Variants in ZMYM3 observed in about 807,000 individuals in gnomAD.
ZMYM3 encodes zinc finger MYM-type containing 3.
ZMYM3 carries 6 observed loss-of-function variants against 94.2 expected under a neutral mutation model. The ratio of observed to expected loss-of-function variants is 0.06; its 90% CI spans 0.03 to 0.13. ZMYM3 has a LOEUF of 0.13. Among genes scored for constraint, ZMYM3 ranks in the 10% least tolerant of loss-of-function variants. ZMYM3 has a pLI of 1.00. For synonymous variants in ZMYM3, 420 were observed against 426.5 expected, an observed-to-expected ratio of 0.98 and a Z score of 0.19; for missense variants, 664 against 1,132.6, an observed-to-expected ratio of 0.59 and a Z score of 5.94.
At chrX:71,248,631 C>T in intron 9 of ZMYM3, 55 bp downstream of exon 9, 1 of 1,158,290 alleles carries the variant, frequency 8.6e-7, no homozygotes, top group Non-Finnish European at 1.2e-6. Flanking sequence ...CCCCAATTCT[C>T]CAACCCTCTT....
rs1012530518 is a variant in ZMYM3 at position 71,253,005 on chromosome X, C to A, written c.251G>T (p.Gly84Val). 1.2e-5 allele frequency: 14 copies of A among 1,206,854 alleles called. No individual in the cohort carries two copies. The highest frequency in any genetic ancestry group is 1.8e-5 in the South Asian group (1 of 56,126). Residue 84 changes from glycine (G) to valine (V), a missense_variant, in exon 2 of 25, where the codon GGG (glycine) becomes GTG (valine). Coordinates refer to ENST00000314425, the MANE Select transcript of ZMYM3 (RefSeq NM_201599.3). ...DGATELLGLG[G>V]LLYKAPSPPE... is the part of the protein sequence containing the mutation. ...GGGAGAGGGGGCTTTATAGAGCAGC[C>A]CCCCCAGCCCCAGCAACTCAGTGGC...
intron 2 of ZMYM3, chrX:71,251,973 C>T (rs1456672724): frequency 3.7e-6 from 2 of 539,482 alleles, no homozygotes; most frequent in Non-Finnish European, 4.5e-6. Context: ...GTATGGGTAG[C>T]TTCCCCTGGA....
At position 71,246,631 on chromosome X, in the gene ZMYM3, T is replaced by C. The variant is rs1409754836; in HGVS notation, c.2376A>G (p.Thr792=). 10 of 1,210,051 alleles carry C rather than the reference T, an allele frequency of 8.3e-6. No individual in the cohort carries two copies. Among genetic ancestry groups the C allele is most frequent in the Non-Finnish European group, 1.1e-5 (10 of 895,239 alleles). Reference sequence around the variant, plus strand: ...TCCCATTTTCCTCTGGGGTCCTCACTGTGTTGCTGTTCTCCACTTTGGTTT... The same window carrying C: ...TCCCATTTTCCTCTGGGGTCCTCACCGTGTTGCTGTTCTCCACTTTGGTTT... The part of the protein sequence containing the change: ...PSQTKVENSN[T]VRTPEENGNL... The change falls in exon 14 of 25, where the codon ACA becomes ACG. Residue 792 remains threonine (T), a synonymous_variant. Transcript: ENST00000314425.
chrX:71,239,646 A>G lies in ZMYM3; in HGVS notation c.*1270T>C, dbSNP rs937573103. 8.9e-6 allele frequency: 1 copy of G among 112,579 alleles called. No homozygotes were observed. Among genetic ancestry groups the G allele is most frequent in the African/African-American group, 3.2e-5 (1 of 30,903 alleles). 9.3% of individuals were successfully genotyped at this position (112,579 alleles called of 1,213,427 possible). On this transcript the variant is annotated 3_prime_UTR_variant, in exon 25 of 25. Transcript: ENST00000314425. The stretch of plus-strand genomic sequence containing the variant: ...AAAGACAATTTTAACTCTTTATTTG[A>G]AACAAACAATTTCAGAGACAGAAGG...
At position 71,244,441 on chromosome X, in the gene ZMYM3, G is replaced by A; in HGVS notation, c.3141C>T (p.Ser1047=). 8.3e-7 allele frequency: 1 copy of A among 1,211,614 alleles called. No homozygotes were observed. Among genetic ancestry groups the A allele is most frequent in the Non-Finnish European group, 1.1e-6 (1 of 895,448 alleles). ...GACTGCTCATGGAGTCCCGGGAGCAGCTTTCGGAAAGCACCAGCCGCTTTT... is the reference window on the plus strand; with the variant it reads ...GACTGCTCATGGAGTCCCGGGAGCAACTTTCGGAAAGCACCAGCCGCTTTT... ...KGQKRLVLSE[S]CSRDSMSSQP... Residue 1047 remains serine (S), a synonymous_variant, in exon 20 of 25, where the codon AGC becomes AGT. Transcript: ENST00000314425.
At position 71,249,081 on chromosome X, in the gene ZMYM3, G is replaced by A; in HGVS notation, c.1559C>T (p.Thr520Ile). 8.3e-7 allele frequency: 1 copy of A among 1,211,715 alleles called. No individual in the cohort carries two copies. The highest frequency in any genetic ancestry group is 1.8e-5 in the South Asian group (1 of 56,975). The change falls in exon 8 of 25, where the codon ACC (threonine) becomes ATC (isoleucine). Residue 520 changes from threonine to isoleucine, a missense_variant. By Grantham distance (89) the Thr-to-Ile change is moderately conservative (BLOSUM62 -1). This residue lies in a region of ZMYM3 where 159 missense variants were observed against 313.0 expected (regional missense o/e 0.51). Transcript: ENST00000314425. ...MLSHVDRNGK[T>I]SLFCSLCCTT... ...ACAGCACAGGGAACAGAACAAGCTG[G>A]TCTTGCCATTACGATCCACATGTGA...
chrX:71,244,394 T>C lies in ZMYM3; in HGVS notation c.3188A>G (p.Asn1063Ser). 1 of 1,211,532 alleles carries C rather than the reference T, an allele frequency of 8.3e-7. No homozygotes were observed. Among genetic ancestry groups the C allele is most frequent in the Non-Finnish European group, 1.1e-6 (1 of 895,492 alleles). ...CCAAGCATTGACACCATATGAATAG[T>C]TGAGCCCGGTACAACTAGGCTGACT... ...MSSQPSCTGL[N>S]YSYGVNAWKC... is the part of the protein sequence containing the mutation. Residue 1063 changes from asparagine (N) to serine (S), a missense_variant, in exon 20 of 25, where the codon AAC becomes AGC. Asn to Ser is a conservative substitution (Grantham distance 46). Transcript: ENST00000314425.
chrX:71,246,479 G>GGGGGGGGGGGGGGGGC lies in ZMYM3; in HGVS notation c.2445_2446insGCCCCCCCCCCCCCCC (p.Pro816AlafsTer26). On this transcript the variant is annotated frameshift_variant, in exon 15 of 25. Transcript: ENST00000314425. LOFTEE classifies it high-confidence loss of function. The stretch of plus-strand genomic sequence containing the variant: ...GGGGGTGGTGGGGGTGGAGGGGTGG[G>GGGGGGGGGGGGGGGGC]AGCAGTGGGAGCTGATCGGGTCTTC... 3.0e-6 allele frequency: 1 copy of GGGGGGGGGGGGGGGGC among 333,423 alleles called. No homozygotes were observed. Among genetic ancestry groups the GGGGGGGGGGGGGGGGC allele is most frequent in the Non-Finnish European group, 5.6e-6 (1 of 178,474 alleles). 27.5% of individuals were successfully genotyped at this position (333,423 alleles called of 1,213,427 possible). A position where few individuals can be genotyped will look rare whatever the true frequency, so the allele number is the denominator to read the frequency against.
At chrX:71,250,850 G>C in intron 4 of ZMYM3, 124 bp from the exon 5 acceptor site, 1 of 685,134 alleles carries the variant, frequency 1.5e-6, no homozygotes, top group Non-Finnish European at 2.1e-6. Flanking sequence ...CCTGGCCCTT[G>C]TTACATCAGT....
intron 2 of ZMYM3, 143 bp from the exon 3 acceptor site, chrX:71,251,744 C>CCT: frequency 1.9e-6 from 2 of 1,060,450 alleles, no homozygotes; most frequent in Non-Finnish European, 2.4e-6. Flanking sequence ...TCTTGGGGCC[C>CCT]CTCTCAGGGT....
rs1309807534 is a variant in ZMYM3, at chrX:71,250,604, C to T, written c.901G>A (p.Gly301Arg). Reference sequence around the variant, plus strand: ...ATCTTGGTGCCCACTGCAGAGCGCCCGGCCCTTTGTGACACACTTGAGCGT... The same window carrying T: ...ATCTTGGTGCCCACTGCAGAGCGCCTGGCCCTTTGTGACACACTTGAGCGT... ...SLRSSVSQRA[G>R]RSAVGTKMTC... Residue 301 changes from glycine to arginine, a missense_variant, in exon 5 of 25, where the codon GGG becomes AGG. Coordinates refer to ENST00000314425, the MANE Select transcript of ZMYM3 (RefSeq NM_201599.3). The T allele has an allele frequency of 6.6e-6, 8 of 1,210,114 alleles. No individual in the cohort carries two copies. The highest frequency in any genetic ancestry group is 3.0e-5 in the East Asian group (1 of 33,759).
intron 18 of ZMYM3, among the ~76,000 whole-genome samples, chrX:71,245,127 T>TAAAAAAAAAAAAAA (rs5902685): frequency 4.7e-5 from 2 of 42,629 alleles, no homozygotes; most frequent in Non-Finnish European, 4.4e-5. Flanking sequence ...GCTTAAAAAT[T>TAAAAAAAAAAAAAA]AAAAAAAAAA....
At chrX:71,254,183 C>A (rs934535291), upstream of ZMYM3, 5 of 112,576 alleles carry the variant, frequency 4.4e-5, no homozygotes, top group Non-Finnish European at 9.4e-5. Context: ...CTGCACCAGG[C>A]GGGCGGGCGG....
intron 5 of ZMYM3, 83 bp downstream of exon 5, chrX:71,250,349 A>G: frequency 9.0e-7 from 1 of 1,108,330 alleles, no homozygotes; most frequent in East Asian, 3.2e-5. Context: ...CCATCCTGCT[A>G]GGTTCTTACC....
chrX:71,244,675 G>A (rs2030085750), intron 19 of ZMYM3, 115 bp downstream of exon 19: 1 of 798,463 alleles, frequency 1.3e-6, no homozygotes, highest in African/African-American at 2.1e-5. Context: ...AGTACTTCTA[G>A]TGTTGGAGAA....
rs138178377 is a variant in ZMYM3, at chrX:71,250,170, C to T, written c.1107G>A (p.Ala369=). Residue 369 remains alanine, a synonymous_variant, in exon 6 of 25, where the codon GCG becomes GCA. Transcript: ENST00000314425. ...EIWNTKDSVV[A]QTGSGGSFHE... is the part of the protein sequence containing the mutation. ...GGAAGGAGCCTCCAGAACCAGTCTGCGCCACAACCGAGTCCTTGGTGTTCC... is the reference window on the plus strand; with the variant it reads ...GGAAGGAGCCTCCAGAACCAGTCTGTGCCACAACCGAGTCCTTGGTGTTCC... The T allele has an allele frequency of 4.9e-5, 58 of 1,191,325 alleles. No homozygotes were observed. Among genetic ancestry groups the T allele is most frequent in the African/African-American group, 1.9e-4 (11 of 56,795 alleles).
rs1334137091 is a variant in ZMYM3 at position 71,248,521 on chromosome X, T to C, written c.1741A>G (p.Thr581Ala). The change falls in exon 10 of 25, where the codon ACA becomes GCA. Residue 581 changes from threonine to alanine, a missense_variant. Physicochemically the swap from Thr to Ala is moderately conservative, Grantham distance 58. This residue lies in a region of ZMYM3 where 159 missense variants were observed against 313.0 expected (regional missense o/e 0.51). Coordinates refer to ENST00000314425, the MANE Select transcript of ZMYM3 (RefSeq NM_201599.3). ...SPSCWTKFQR[T>A]SPEGGIHLSC... is the part of the protein sequence containing the mutation. ...AGGTGAATGCCCCCCTCAGGGCTTG[T>C]GCGCTGGAGGGAAGGAAGACAAGTA... 2 of 1,209,851 alleles carry C rather than the reference T, an allele frequency of 1.7e-6. No individual in the cohort carries two copies. Among genetic ancestry groups the C allele is most frequent in the South Asian group, 1.8e-5 (1 of 56,639 alleles).
intron 21 of ZMYM3, chrX:71,243,608 C>CT (rs1395333231): frequency 5.1e-3 from 1,822 of 355,378 alleles, no homozygotes; most frequent in Non-Finnish European, 6.0e-3. Context: ...AGAATAACTG[C>CT]TTTTTTTTTT....
At chrX:71,243,332 T>C (rs1225093418) in intron 21 of ZMYM3, among the ~76,000 whole-genome samples, 1 of 111,036 alleles carries the variant, frequency 9.0e-6, no homozygotes, top group Middle Eastern at 4.2e-3. Context: ...TCTCAGGTAA[T>C]ACATGGTTGA....
Sources: allele counts gnomAD v4.1 joint callset (sites outside exome capture counted in the v4.1 genomes callset), GRCh38; gene constraint gnomAD v4.1.1; regional missense constraint gnomAD v4.1.1; transcripts MANE v1.5; gene names NCBI Gene and HGNC (gene_info 2026-07-23, HGNC 2026-07-21).